The following NUP210L variants were observed in gnomAD, a reference collection of about 807,000 sequenced individuals.
NUP210L encodes nucleoporin 210 like, also known as nuclear pore membrane glycoprotein 210-like.
In NUP210L, 74 loss-of-function variants were observed where a neutral mutation model predicts 208.5. The observed-to-expected ratio is 0.35, with a 90% CI of 0.29 to 0.43. NUP210L has a LOEUF of 0.43. Ranked by LOEUF, NUP210L falls within the 20% of genes least tolerant of loss-of-function variation. The pLI is 1.00. For synonymous variants in NUP210L, 780 were observed against 816.9 expected, an observed-to-expected ratio of 0.95 and a Z score of 0.77; for missense variants, 1,843 against 2,289.4, an observed-to-expected ratio of 0.81 and a Z score of 3.98.
intron 13 of NUP210L, among the ~76,000 whole-genome samples, chr1:154,101,491 A>C (rs1656468982): frequency 6.6e-6 from 1 of 152,144 alleles, no homozygotes; most frequent in African/African-American, 2.4e-5. Flanking sequence ...AAACAAACAA[A>C]CAAAACCCAT....
At chr1:154,086,220 AAAAG>A (rs1246666033) in intron 16 of NUP210L, among the ~76,000 whole-genome samples, 1 of 151,864 alleles carries the variant, frequency 6.6e-6, no homozygotes, top group Non-Finnish European at 1.5e-5. Context: ...TCAAAAAAAA[AAAAG>A]AAAGAAAGAA....
intron 2 of NUP210L, among the ~76,000 whole-genome samples, chr1:154,145,805 T>C (rs568627945): frequency 1.3e-5 from 2 of 152,152 alleles, no homozygotes; most frequent in South Asian, 4.2e-4. Flanking sequence ...GATATATGTG[T>C]ATACAGGAGT....
chr1:154,117,784 C>CCCTGA lies in NUP210L; in HGVS notation c.1556_1560dup (p.Gly521SerfsTer26), dbSNP rs1301712840. 3 of 1,613,556 alleles carry CCCTGA rather than the reference C, an allele frequency of 1.9e-6. No individual in the cohort carries two copies. Among genetic ancestry groups the CCCTGA allele is most frequent in the Non-Finnish European group, 2.5e-6 (3 of 1,179,652 alleles). On this transcript the variant is annotated frameshift_variant, in exon 12 of 40. Transcript: ENST00000368559. LOFTEE classifies it high-confidence loss of function. ...TCTCGGGCCAAAACAGTACTATTCC[C>CCCTGA]CCTGACCTGACCTGCAGTCACCACT...
intron 22 of NUP210L, 61 bp downstream of exon 22, chr1:154,058,028 C>A: frequency 1.3e-6 from 2 of 1,574,506 alleles, no homozygotes; most frequent in South Asian, 2.3e-5. Context: ...CTGACCAGGT[C>A]ACTAGGAGGG....
chr1:154,064,080 G>T (rs1654275109), intron 17 of NUP210L, among the ~76,000 whole-genome samples: 2 of 151,430 alleles, frequency 1.3e-5, no homozygotes, highest in South Asian at 4.2e-4. Flanking sequence ...TTTAATAGAG[G>T]TGGTGGGGGG....
chr1:154,001,162 T>C lies in NUP210L; in HGVS notation c.5182-102A>G, dbSNP rs1252486703. On this transcript the variant is annotated intron_variant, in intron 36 of 39. Transcript: ENST00000368559. ...ATACAGTACAATAATTGTCAAGATC[T>C]GGATTTCTAGCTAGCTAGCCGACAA... 3.1e-6 allele frequency: 3 copies of C among 952,410 alleles called. No individual in the cohort carries two copies. The African/African-American group carries it at 5.0e-5, about 16-fold the overall frequency. 59.0% of individuals were successfully genotyped at this position (952,410 alleles called of 1,614,324 possible). A position where few individuals can be genotyped will look rare whatever the true frequency, so the allele number is the denominator to read the frequency against.
chr1:154,034,842 T>C (rs1469011493), intron 27 of NUP210L, among the ~76,000 whole-genome samples: 3 of 142,316 alleles, frequency 2.1e-5, no homozygotes, highest in Non-Finnish European at 4.6e-5. Context: ...TCTCTCTCTC[T>C]CTTTTTTTTT....
At chr1:154,141,362 T>C (rs1349050918) in intron 4 of NUP210L, 69 bp downstream of exon 4, 1 of 975,124 alleles carries the variant, frequency 1.0e-6, no homozygotes, top group Non-Finnish European at 1.7e-6. Context: ...TGGTTGCTTG[T>C]TCAGCATGCC....
chr1:153,999,362 C>CT (rs555417237), intron 37 of NUP210L, among the ~76,000 whole-genome samples: 41 of 152,268 alleles, frequency 2.7e-4, no homozygotes, highest in African/African-American at 9.4e-4. Context: ...TTTGGGAAAG[C>CT]TAAGTCTTGG....
rs549379067 is a variant in NUP210L, at chr1:154,148,199, G to A, written c.340+4537C>T. Among the ~76,000 whole-genome samples, 6 of 151,536 alleles carry A rather than the reference G, an allele frequency of 4.0e-5. No homozygotes were observed. The East Asian group carries it at 5.9e-4, about 15-fold the overall frequency. ...GGAGAATCGCTTGAACCCGGGAGAC[G>A]GAGGTTGCAGTCAGCCGAGATTGCA... On this transcript the variant is annotated intron_variant, in intron 2 of 39. Transcript: ENST00000368559.
At chr1:154,058,592 T>C (rs773506731) in exon 21 of NUP210L, 35 of 1,613,812 alleles carry the variant, frequency 2.2e-5, no homozygotes, top group Non-Finnish European at 2.7e-5. Flanking sequence ...GCTCCAGCTC[T>C]TGTATGTCTG....
At chr1:153,993,015 C>T (rs1475803241) in exon 39 of NUP210L, 2 of 1,613,076 alleles carry the variant, frequency 1.2e-6, no homozygotes, top group Non-Finnish European at 8.5e-7. Flanking sequence ...GCTTTTTTAC[C>T]TGGCTGTGGT....
At chr1:154,058,950 A>G (rs972983392) in intron 20 of NUP210L, among the ~76,000 whole-genome samples, 2 of 152,226 alleles carry the variant, frequency 1.3e-5, no homozygotes, top group Admixed American at 6.5e-5. Flanking sequence ...GCACTTTGGG[A>G]GGCTGAGGCA....
chr1:154,150,991 T>C (rs571654779), intron 2 of NUP210L, among the ~76,000 whole-genome samples: 33 of 152,222 alleles, frequency 2.2e-4, no homozygotes, highest in South Asian at 2.1e-3. Flanking sequence ...ATTGTATTAA[T>C]AGTAAAATTG....
chr1:154,153,097 A>AT (rs983411491), intron 1 of NUP210L, among the ~76,000 whole-genome samples: 1 of 151,926 alleles, frequency 6.6e-6, no homozygotes, highest in Non-Finnish European at 1.5e-5. Context: ...CCCTCCCTCA[A>AT]TTTTTTTTAA....
chr1:153,993,034 A>T, exon 39 of NUP210L: 4 of 1,613,930 alleles, frequency 2.5e-6, no homozygotes, highest in Non-Finnish European at 3.4e-6. Flanking sequence ...GTGTTCCTAG[A>T]GTTGGTACAT....
At chr1:153,999,166 A>G (rs879463785) in intron 37 of NUP210L, among the ~76,000 whole-genome samples, 2 of 152,156 alleles carry the variant, frequency 1.3e-5, no homozygotes, top group Non-Finnish European at 2.9e-5. Flanking sequence ...TAGGAGATAC[A>G]CTATAATTTA....
At chr1:154,117,184 G>A (rs968189293) in intron 12 of NUP210L, among the ~76,000 whole-genome samples, 2 of 151,954 alleles carry the variant, frequency 1.3e-5, no homozygotes, top group African/African-American at 4.8e-5. Context: ...AATAACCTTC[G>A]AGGTGGATAC....
chr1:154,077,490 A>G (rs1655099231), intron 16 of NUP210L, among the ~76,000 whole-genome samples: 1 of 152,176 alleles, frequency 6.6e-6, no homozygotes, highest in Admixed American at 6.5e-5. Context: ...TCCAACAAAA[A>G]TGGAGAGAAT....
Sources: gnomAD v4.1 joint callset for allele counts (sites outside exome capture counted in the v4.1 genomes callset) on GRCh38, gnomAD v4.1.1 for gene constraint, MANE v1.5 for transcripts, NCBI Gene and HGNC (gene_info 2026-07-23, HGNC 2026-07-21) for gene names.